The following VWDE variants were observed in gnomAD, a reference collection of about 807,000 sequenced individuals.
VWDE encodes the protein von Willebrand factor D and EGF domain-containing protein.
Under a neutral mutation model 178.4 loss-of-function variants are expected in VWDE, and 207 were observed. The ratio of observed to expected loss-of-function variants is 1.16; its 90% CI spans 1.04 to 1.30. The LOEUF is 1.30. VWDE is among the 50% of genes most tolerant of loss of function. The pLI, the probability that VWDE is intolerant of heterozygous loss-of-function variation, is 0.00. For synonymous variants in VWDE, 738 were observed against 651.4 expected, an observed-to-expected ratio of 1.13 and a Z score of -2.02; for missense variants, 2,287 against 1,901.3, an observed-to-expected ratio of 1.20 and a Z score of -3.77.
At chr7:12,382,855 T>C (rs1249346103) in intron 4 of VWDE, among the ~76,000 whole-genome samples, 1 of 151,886 alleles carries the variant, frequency 6.6e-6, no homozygotes, top group Non-Finnish European at 1.5e-5. Context: ...TTAAGGCATA[T>C]TATAGTAGGA....
intron 9 of VWDE, among the ~76,000 whole-genome samples, chr7:12,373,558 C>T (rs1783338750): frequency 6.6e-6 from 1 of 152,082 alleles, no homozygotes; most frequent in Non-Finnish European, 1.5e-5. Flanking sequence ...TTCGTAACCA[C>T]TCTATTTTAA....
chr7:12,334,235 A>T (rs1780889040), intron 27 of VWDE, among the ~76,000 whole-genome samples: 1 of 152,188 alleles, frequency 6.6e-6, no homozygotes, highest in African/African-American at 2.4e-5. Context: ...AGTAAAGGGA[A>T]TTTTTGTAGT....
intron 18 of VWDE, among the ~76,000 whole-genome samples, chr7:12,352,795 A>G (rs1179597757): frequency 6.6e-6 from 1 of 152,204 alleles, no homozygotes; most frequent in Non-Finnish European, 1.5e-5. Flanking sequence ...CCATTCACTT[A>G]ATTAAACCAA....
intron 7 of VWDE, among the ~76,000 whole-genome samples, chr7:12,376,353 G>A (rs1323019860): frequency 2.0e-5 from 3 of 152,008 alleles, no homozygotes; most frequent in Non-Finnish European, 4.4e-5. Flanking sequence ...ACTTAAAGAG[G>A]ACAAGATGAG....
chr7:12,401,282 C>G (rs1043446810), intron 1 of VWDE, among the ~76,000 whole-genome samples: 3 of 152,052 alleles, frequency 2.0e-5, no homozygotes, highest in African/African-American at 7.2e-5. Flanking sequence ...AATACCATCT[C>G]CATATAGAAA....
chr7:12,349,453 T>C (rs866008650), intron 19 of VWDE, among the ~76,000 whole-genome samples: 2 of 151,290 alleles, frequency 1.3e-5, no homozygotes, highest in Middle Eastern at 3.2e-3. Flanking sequence ...ATATTTATAA[T>C]TTAAACTTTG....
chr7:12,381,207 G>C (rs1303533336), intron 4 of VWDE, among the ~76,000 whole-genome samples: 1 of 152,076 alleles, frequency 6.6e-6, no homozygotes, highest in Admixed American at 6.6e-5. Flanking sequence ...CATTGCAGAG[G>C]TGATTATACT....
chr7:12,354,211 T>A (rs1326388292), intron 18 of VWDE: 5 of 279,046 alleles, frequency 1.8e-5, no homozygotes, highest in African/African-American at 1.1e-4. Context: ...TATTTTTGCA[T>A]CCTTTGTATC....
intron 7 of VWDE, among the ~76,000 whole-genome samples, chr7:12,377,037 A>G (rs1392565426): frequency 6.6e-6 from 1 of 152,144 alleles, no homozygotes; most frequent in Non-Finnish European, 1.5e-5. Flanking sequence ...TGTATGTGGT[A>G]TGCCAATGAA....
chr7:12,394,684 T>C (rs1402573604), intron 1 of VWDE, among the ~76,000 whole-genome samples: 1 of 152,150 alleles, frequency 6.6e-6, no homozygotes, highest in Non-Finnish European at 1.5e-5. Flanking sequence ...GAGTATCTTG[T>C]TGGCACAGTT....
At chr7:12,364,454 A>T (rs1441981211) in intron 13 of VWDE, among the ~76,000 whole-genome samples, 5 of 152,130 alleles carry the variant, frequency 3.3e-5, no homozygotes, top group African/African-American at 1.2e-4. Context: ...TCAAAAAATT[A>T]TGGGAGCAAG....
Position 12,356,202 on chromosome 7 carries a change from G to C in VWDE, c.3654C>G (p.Asp1218Glu), listed in dbSNP as rs1332492996. 1 of 1,551,364 alleles carries C rather than the reference G, an allele frequency of 6.4e-7. No individual in the cohort carries two copies. Among genetic ancestry groups the C allele is most frequent in the Non-Finnish European group, 8.7e-7 (1 of 1,146,932 alleles). The part of the protein sequence containing the change: ...PGFHGSLCEV[D>E]ISGCQSNPCG... ...AAGGGTTGGATTGGCACCCACTAAT[G>C]TCCACTTCACAAAGGCTGCCATGGA... The change falls in exon 18 of 29, where the codon GAC (aspartate) becomes GAG (glutamate). Residue 1218 changes from aspartate to glutamate, a missense_variant. Coordinates refer to ENST00000275358, the MANE Select transcript of VWDE (RefSeq NM_001135924.3).
chr7:12,344,500 T>C, intron 19 of VWDE, 31 bp from the exon 20 acceptor site: 1 of 1,507,116 alleles, frequency 6.6e-7, no homozygotes, highest in African/African-American at 1.4e-5. Context: ...AAAAGGTTGA[T>C]TGCTAAAACA....
At chr7:12,333,338 G>T in intron 28 of VWDE, 127 bp downstream of exon 28, 3 of 629,104 alleles carry the variant, frequency 4.8e-6, no homozygotes, top group African/African-American at 1.9e-5. Context: ...TTTAATTTTA[G>T]AGGCAAATAA....
At chr7:12,391,168 T>C (rs1784372941) in intron 2 of VWDE, among the ~76,000 whole-genome samples, 1 of 152,232 alleles carries the variant, frequency 6.6e-6, no homozygotes, top group South Asian at 2.1e-4. Context: ...GATAAAACAA[T>C]AGCAAAATGT....
At chr7:12,354,181 G>A (rs1782096732) in intron 18 of VWDE, 1 of 261,558 alleles carries the variant, frequency 3.8e-6, no homozygotes, top group African/African-American at 2.3e-5. Context: ...TACCTATTAA[G>A]TCAGAAAACA....
intron 10 of VWDE, among the ~76,000 whole-genome samples, chr7:12,371,476 T>G (rs975666984): frequency 6.6e-6 from 1 of 152,142 alleles, no homozygotes; most frequent in Non-Finnish European, 1.5e-5. Context: ...CCAGCCACTT[T>G]GATGTACTGT....
chr7:12,361,215 T>C lies in VWDE; in HGVS notation c.3091A>G (p.Ile1031Val). The C allele has an allele frequency of 6.5e-7, 1 of 1,548,186 alleles. No individual in the cohort carries two copies. Among genetic ancestry groups the C allele is most frequent in the South Asian group, 1.2e-5 (1 of 83,836 alleles). Residue 1031 changes from isoleucine to valine, a missense_variant, in exon 15 of 29, where the codon ATA becomes GTA. Transcript: ENST00000275358. ...NDGYKFSNPK[I>V]TVIYDGACQV... is the part of the protein sequence containing the mutation. ...CAAGCACCATCATATATGACCGTTA[T>C]TTTGGGATTACTGAATTTATAACCA... is the stretch of plus-strand genomic sequence containing the variant.
intron 13 of VWDE, among the ~76,000 whole-genome samples, chr7:12,365,585 G>A (rs1028022825): frequency 6.6e-6 from 1 of 152,052 alleles, no homozygotes; most frequent in African/African-American, 2.4e-5. Context: ...ATGTAATAGG[G>A]GAGCTAGGAG....
Sources: gnomAD v4.1 joint callset for allele counts (sites outside exome capture counted in the v4.1 genomes callset) on GRCh38, gnomAD v4.1.1 for gene constraint, MANE v1.5 for transcripts, NCBI Gene and HGNC (gene_info 2026-07-23, HGNC 2026-07-21) for gene names.